Variants in EDC3 observed in about 807,000 individuals in gnomAD.
EDC3 encodes the protein enhancer of mRNA-decapping protein 3.
Under a neutral mutation model 41.8 loss-of-function variants are expected in EDC3, and 20 were observed. The ratio of observed to expected loss-of-function variants is 0.48; its 90% CI spans 0.34 to 0.70. The LOEUF (loss-of-function observed/expected upper bound fraction) is 0.70, where lower values mean the gene tolerates loss of function less well. Ranked by LOEUF, EDC3 falls within the 30% of genes least tolerant of loss-of-function variation. EDC3 has a pLI of 0.01. For missense variants in EDC3, 444 were observed against 636.8 expected (o/e 0.70, Z 3.26); for synonymous variants, 206 against 243.2 (o/e 0.85, Z 1.42).
intron 1 of EDC3, among the ~76,000 whole-genome samples, chr15:74,680,545 T>C (rs1411427069): frequency 6.6e-6 from 1 of 152,164 alleles, no homozygotes; most frequent in Non-Finnish European, 1.5e-5. Context: ...GCTAACATTA[T>C]ACTAAATGGT....
At chr15:74,694,473 G>A (rs894257789) in intron 1 of EDC3, among the ~76,000 whole-genome samples, 4 of 152,046 alleles carry the variant, frequency 2.6e-5, no homozygotes, top group African/African-American at 9.7e-5. Flanking sequence ...ACCCAGCTAA[G>A]TTTTGTATTT....
At chr15:74,659,241 T>C (rs1392462952) in intron 3 of EDC3, among the ~76,000 whole-genome samples, 144 of 151,936 alleles carry the variant, frequency 9.5e-4, no homozygotes, top group Non-Finnish European at 4.4e-5. Flanking sequence ...GGTGGGTGTA[T>C]CACCTGAGGT....
chr15:74,674,220 TG>T (rs2062775390), intron 2 of EDC3, among the ~76,000 whole-genome samples: 1 of 152,222 alleles, frequency 6.6e-6, no homozygotes, highest in African/African-American at 2.4e-5. Flanking sequence ...TCTTCCTGTC[TG>T]AGCCCCAGGA....
chr15:74,672,010 C>T (rs1225734794), intron 2 of EDC3, among the ~76,000 whole-genome samples: 1 of 151,986 alleles, frequency 6.6e-6, no homozygotes, highest in African/African-American at 2.4e-5. Flanking sequence ...GCCTGTAATC[C>T]CAGCACTTTG....
In EDC3 at chr15:74,636,362, C is replaced by CT. The variant is rs2062273119; in HGVS notation, c.975-737_975-736insA. ...CCTAACACAAAGAAGGTAAGGTACTCAGTCAGTGCTGACCATGGCGGAGGC... is the reference window on the plus strand; with the variant it reads ...CCTAACACAAAGAAGGTAAGGTACTCTAGTCAGTGCTGACCATGGCGGAGGC... On this transcript the variant is annotated intron_variant, in intron 5 of 6. Transcript: ENST00000315127. 1.3e-5 allele frequency: 2 copies of CT among 152,340 alleles called. 1 individual carries two copies. The highest frequency in any genetic ancestry group is 4.1e-4 in the South Asian group (2 of 4,838). 9.4% of individuals were successfully genotyped at this position (152,340 alleles called of 1,614,324 possible).
At chr15:74,681,752 T>C (rs955147855) in intron 1 of EDC3, among the ~76,000 whole-genome samples, 10 of 152,146 alleles carry the variant, frequency 6.6e-5, no homozygotes, top group African/African-American at 2.4e-4. Context: ...AAAAATTTAC[T>C]CAAAATGTAT....
intron 2 of EDC3, 52 bp downstream of exon 2, chr15:74,674,909 A>G: frequency 6.2e-7 from 1 of 1,605,096 alleles, no homozygotes; most frequent in Non-Finnish European, 8.5e-7. Context: ...ACCTAGGTTC[A>G]AGCTCCACAG....
At chr15:74,675,371 C>T (rs932793152) in intron 1 of EDC3, among the ~76,000 whole-genome samples, 15 of 151,036 alleles carry the variant, frequency 9.9e-5, no homozygotes, top group African/African-American at 2.2e-4. Context: ...TGCTTTAAAG[C>T]GCATACATTG....
intron 3 of EDC3, among the ~76,000 whole-genome samples, chr15:74,669,164 T>C (rs769782329): frequency 5.3e-5 from 8 of 151,842 alleles, no homozygotes; most frequent in Non-Finnish European, 1.0e-4. Flanking sequence ...CTGACCAACA[T>C]GGAGCCCCGT....
rs770301703 is a variant in EDC3 at position 74,632,616 on chromosome 15, G to GA, written c.1522_1523insT (p.Ala508ValfsTer32). 6 of 1,613,232 alleles carry GA rather than the reference G, an allele frequency of 3.7e-6. No homozygotes were observed. The highest frequency in any genetic ancestry group is 1.3e-5 in the African/African-American group (1 of 74,930). On this transcript the variant is annotated frameshift_variant, in exon 7 of 7. Coordinates refer to ENST00000315127, the MANE Select transcript of EDC3 (RefSeq NM_025083.5). LOFTEE classifies it high-confidence loss of function. This position sits in a 1 kb window ranked among gnomAD's most constrained non-coding sequence, Gnocchi z 4.0. ...TCCTGCCTGCGCAGGAACCCTCTAAGCAGAGTGCAGTGGGATAACAAACTT... is the reference window on the plus strand; with the variant it reads ...TCCTGCCTGCGCAGGAACCCTCTAAGACAGAGTGCAGTGGGATAACAAACTT...
intron 1 of EDC3, among the ~76,000 whole-genome samples, chr15:74,694,041 A>G (rs936811844): frequency 2.0e-5 from 3 of 151,982 alleles, no homozygotes; most frequent in African/African-American, 7.3e-5. Flanking sequence ...ACACACTATC[A>G]TTATGGTCAC....
At chr15:74,649,921 ATAACT>A (rs1241474534) in intron 4 of EDC3, among the ~76,000 whole-genome samples, 3 of 152,026 alleles carry the variant, frequency 2.0e-5, no homozygotes, top group Non-Finnish European at 2.9e-5. Flanking sequence ...CAATCTCATG[ATAACT>A]TGACTTGCTG....
At chr15:74,683,789 C>A (rs889859537) in intron 1 of EDC3, among the ~76,000 whole-genome samples, 1 of 152,128 alleles carries the variant, frequency 6.6e-6, no homozygotes, top group African/African-American at 2.4e-5. Context: ...ATAATCATAT[C>A]AATAAATGCA....
At chr15:74,684,744 A>G (rs1443433503) in intron 1 of EDC3, among the ~76,000 whole-genome samples, 1 of 152,208 alleles carries the variant, frequency 6.6e-6, no homozygotes, top group African/African-American at 2.4e-5. Flanking sequence ...ACTAGAACTA[A>G]TAAGGAAATT....
chr15:74,685,744 T>C (rs775295412), intron 1 of EDC3, among the ~76,000 whole-genome samples: 2 of 152,098 alleles, frequency 1.3e-5, no homozygotes, highest in Non-Finnish European at 2.9e-5. Flanking sequence ...TAGCAGATGA[T>C]AGCAGATGAA....
chr15:74,666,227 C>T (rs1039359811), intron 3 of EDC3, among the ~76,000 whole-genome samples: 14 of 152,174 alleles, frequency 9.2e-5, no homozygotes, highest in African/African-American at 3.4e-4. Context: ...TATAACTCTA[C>T]CTTCTATCAG....
chr15:74,675,078 T>C lies in EDC3; in HGVS notation c.47A>G (p.Asp16Gly). The C allele has an allele frequency of 6.2e-7, 1 of 1,613,864 alleles. No individual in the cohort carries two copies. The highest frequency in any genetic ancestry group is 8.5e-7 in the Non-Finnish European group (1 of 1,180,036). ...TCTTCCCTGATAGACACCCAAGCTATCTCCACAATTGATGGACACAATACT... is the reference window on the plus strand; with the variant it reads ...TCTTCCCTGATAGACACCCAAGCTACCTCCACAATTGATGGACACAATACT... ...LGSIVSINCG[D>G]SLGVYQGRVS... The change falls in exon 2 of 7, where the codon GAT (aspartate) becomes GGT (glycine). Residue 16 changes from aspartate to glycine, a missense_variant. Physicochemically the swap from Asp to Gly is moderately conservative, Grantham distance 94. Around this residue, in one of 3 missense-constraint regions of EDC3, gnomAD observed 200 missense variants for 244.0 expected, o/e 0.82. Coordinates refer to ENST00000315127, the MANE Select transcript of EDC3 (RefSeq NM_025083.5).
chr15:74,649,860 AGG>A (rs58059458), intron 4 of EDC3, among the ~76,000 whole-genome samples: 4,973 of 134,748 alleles, frequency 0.037, 293 homozygotes, highest in African/African-American at 0.12. Context: ...AGGGAAAAAA[AGG>A]GGGGGGGGGT....
chr15:74,667,472 AGGAGGAG>A (rs1409993899), intron 3 of EDC3, among the ~76,000 whole-genome samples: 1 of 52,992 alleles, frequency 1.9e-5, no homozygotes, highest in East Asian at 5.3e-4. Flanking sequence ...GGGTGGAGGG[AGGAGGAG>A]GGAGGAGGAG....
Sources: gnomAD v4.1 joint callset for allele counts (sites outside exome capture counted in the v4.1 genomes callset) on GRCh38, gnomAD v4.1.1 for gene constraint, gnomAD v4.1.1 regional missense constraint, Gnocchi (gnomAD v3.1) non-coding constraint, MANE v1.5 for transcripts, NCBI Gene and HGNC (gene_info 2026-07-23, HGNC 2026-07-21) for gene names.